The following PCBD2 variants were observed in gnomAD, a reference collection of about 807,000 sequenced individuals.
The protein encoded by PCBD2 is pterin-4-alpha-carbinolamine dehydratase 2.
A neutral mutation model predicts 16.4 loss-of-function variants in PCBD2; 12 were observed. The observed-to-expected ratio is 0.73, with a 90% CI of 0.47 to 1.19. The LOEUF (loss-of-function observed/expected upper bound fraction) is 1.19, where lower values mean the gene tolerates loss of function less well. Among genes scored for constraint, PCBD2 ranks in the 50% most tolerant of loss-of-function variants. PCBD2 has a pLI of 0.00. For synonymous variants in PCBD2, 58 were observed against 61.8 expected, an observed-to-expected ratio of 0.94 and a Z score of 0.29; for missense variants, 138 against 156.8, an observed-to-expected ratio of 0.88 and a Z score of 0.64.
At chr5:134,915,341 A>G (rs979876227) in intron 2 of PCBD2, among the ~76,000 whole-genome samples, 1 of 151,428 alleles carries the variant, frequency 6.6e-6, no homozygotes, top group African/African-American at 2.4e-5. Flanking sequence ...GGACATATCC[A>G]TTGTCCTAAC....
intron 2 of PCBD2, among the ~76,000 whole-genome samples, chr5:134,941,997 G>A (rs1022076242): frequency 2.9e-4 from 43 of 150,760 alleles, no homozygotes; most frequent in African/African-American, 1.0e-3. Context: ...GGGCGTGGTG[G>A]CGGGTGCCTG....
At chr5:134,941,671 G>C (rs181868621) in intron 2 of PCBD2, among the ~76,000 whole-genome samples, 1 of 151,960 alleles carries the variant, frequency 6.6e-6, no homozygotes, top group Non-Finnish European at 1.5e-5. Flanking sequence ...AGAATGAGTC[G>C]GATGTTTTAA....
chr5:134,923,564 T>A (rs189401995), intron 2 of PCBD2: 1 of 323,226 alleles, frequency 3.1e-6, no homozygotes, highest in African/African-American at 2.1e-5. Context: ...CTCAGATTCA[T>A]TGGACCAGAT....
rs58911694 is a variant in PCBD2, at chr5:134,962,072, T to TTGTGTGTGTGTGTGTGTGTGTGTGTG, written c.*1401_*1426dup. Among the ~76,000 whole-genome samples, 2 of 140,590 alleles carry TTGTGTGTGTGTGTGTGTGTGTGTGTG rather than the reference T, an allele frequency of 1.4e-5. No individual in the cohort carries two copies. Among genetic ancestry groups the TTGTGTGTGTGTGTGTGTGTGTGTGTG allele is most frequent in the African/African-American group, 5.4e-5 (2 of 37,062 alleles). 92.2% of individuals were successfully genotyped at this position (140,590 alleles called of 152,430 possible). A position where few individuals can be genotyped will look rare whatever the true frequency, so the allele number is the denominator to read the frequency against. On this transcript the variant is annotated 3_prime_UTR_variant, in exon 4 of 4. Transcript: ENST00000254908. The stretch of plus-strand genomic sequence containing the variant: ...CATTGCCCCCAGCCAGTATAACAGT[T>TTGTGTGTGTGTGTGTGTGTGTGTGTG]TGTGTGTGTGTGTGTGTGTGTGTGT...
At chr5:134,926,877 G>A in intron 2 of PCBD2, 1 of 398,600 alleles carries the variant, frequency 2.5e-6, no homozygotes, top group Non-Finnish European at 4.4e-6. Context: ...ATTTGATCAG[G>A]AGAATGTGGT....
chr5:134,955,279 G>A (rs1184398049), intron 2 of PCBD2, among the ~76,000 whole-genome samples: 3 of 144,164 alleles, frequency 2.1e-5, no homozygotes, highest in East Asian at 2.0e-4. Context: ...TGGGGGTTTC[G>A]TATTTTTGTT....
At chr5:134,943,939 A>G (rs565596108) in intron 2 of PCBD2, among the ~76,000 whole-genome samples, 1 of 152,338 alleles carries the variant, frequency 6.6e-6, no homozygotes, top group South Asian at 2.1e-4. Context: ...GGCAAGACCT[A>G]CTAGAACAGT....
chr5:134,934,723 G>T (rs1299477441), intron 2 of PCBD2, among the ~76,000 whole-genome samples: 4 of 152,060 alleles, frequency 2.6e-5, no homozygotes, highest in Non-Finnish European at 5.9e-5. Context: ...ATGCCACAGT[G>T]GTCTTGTTTT....
Position 134,961,945 on chromosome 5 carries a change from A to G in PCBD2, c.*1264A>G, listed in dbSNP as rs946540718. ...CCTGACTAATTTTTAAATTTTTTGT[A>G]GAGATGGGGTCTCCCATCTTGCCCA... On this transcript the variant is annotated 3_prime_UTR_variant, in exon 4 of 4. Transcript: ENST00000254908. Among the ~76,000 whole-genome samples the G allele has an allele frequency of 1.3e-5, 2 of 151,908 alleles. No homozygotes were observed. The highest frequency in any genetic ancestry group is 1.3e-4 in the Admixed American group (2 of 15,244).
Position 134,910,338 on chromosome 5 carries a change from T to G in PCBD2, c.88T>G (p.Ser30Ala). The change falls in exon 2 of 4, where the codon TCA becomes GCA. Residue 30 changes from serine (S) to alanine (A), a missense_variant. Transcript: ENST00000254908. ...GQSLGLAAMS[S>A]GTHRLTAEER... ...ATGAAATGTGTTCTCTTCATAGTCA[T>G]CAGGTACTCACAGGTTGACTGCAGA... 6.2e-7 allele frequency: 1 copy of G among 1,613,758 alleles called. No homozygotes were observed. Among genetic ancestry groups the G allele is most frequent in the Non-Finnish European group, 8.5e-7 (1 of 1,179,834 alleles).
chr5:134,905,903 C>T (rs1580874265), intron 1 of PCBD2, among the ~76,000 whole-genome samples: 1 of 152,182 alleles, frequency 6.6e-6, no homozygotes, highest in East Asian at 1.9e-4. Context: ...CACGGAGTCT[C>T]GCTGTATCGC....
At chr5:134,939,864 A>T (rs1464697461) in intron 2 of PCBD2, among the ~76,000 whole-genome samples, 1 of 152,032 alleles carries the variant, frequency 6.6e-6, no homozygotes, top group African/African-American at 2.4e-5. Flanking sequence ...ACCATGAAAA[A>T]CCAGCCCTCT....
chr5:134,908,333 T>C (rs919856415), intron 1 of PCBD2, among the ~76,000 whole-genome samples: 4 of 148,462 alleles, frequency 2.7e-5, no homozygotes, highest in Admixed American at 1.4e-4. Flanking sequence ...TAGTAAGTGG[T>C]TTTTAACAAC....
chr5:134,941,479 T>C (rs1751226551), intron 2 of PCBD2, among the ~76,000 whole-genome samples: 1 of 152,234 alleles, frequency 6.6e-6, no homozygotes, highest in African/African-American at 2.4e-5. Context: ...CTGCAATGTA[T>C]GTTGATAGAG....
At position 134,910,479 on chromosome 5, in the gene PCBD2, A is replaced by T. The variant is rs1157696888; in HGVS notation, c.216+13A>T. Reference sequence around the variant, plus strand: ...CAATTTTAATCAGGTAATTGTTATAAATTCTTGCTAGGGCTGTGGTCTATT... The same window carrying T: ...CAATTTTAATCAGGTAATTGTTATATATTCTTGCTAGGGCTGTGGTCTATT... On this transcript the variant is annotated intron_variant, in intron 2 of 3. Transcript: ENST00000254908. The T allele has an allele frequency of 6.2e-7, 1 of 1,613,600 alleles. No individual in the cohort carries two copies. Among genetic ancestry groups the T allele is most frequent in the South Asian group, 1.1e-5 (1 of 91,048 alleles).
chr5:134,944,462 G>A (rs1480112737), intron 2 of PCBD2, among the ~76,000 whole-genome samples: 1 of 151,912 alleles, frequency 6.6e-6, no homozygotes, highest in Non-Finnish European at 1.5e-5. Context: ...CATGATTGAA[G>A]CAGTTATAAA....
At chr5:134,927,351 A>G (rs1027956483) in intron 2 of PCBD2, 14 of 398,344 alleles carry the variant, frequency 3.5e-5, no homozygotes, top group African/African-American at 6.2e-5. Flanking sequence ...AGCAAGTACT[A>G]TTGACCCAGC....
At chr5:134,926,868 T>A (rs796411394) in intron 2 of PCBD2, 1 of 398,302 alleles carries the variant, frequency 2.5e-6, no homozygotes, top group African/African-American at 2.1e-5. Context: ...GAGAGTGATA[T>A]TTGATCAGGA....
intron 2 of PCBD2, 145 bp downstream of exon 2, chr5:134,910,611 A>C: frequency 9.2e-7 from 1 of 1,081,606 alleles, no homozygotes; most frequent in Non-Finnish European, 1.3e-6. Flanking sequence ...ATAGAGTGAC[A>C]TCCTTGTTGA....
Sources: gnomAD v4.1 joint callset for allele counts (sites outside exome capture counted in the v4.1 genomes callset) on GRCh38, gnomAD v4.1.1 for gene constraint, MANE v1.5 for transcripts, NCBI Gene and HGNC (gene_info 2026-07-23, HGNC 2026-07-21) for gene names.